Variants in IL17RC observed in about 807,000 individuals in gnomAD.
IL17RC encodes interleukin 17 receptor C.
IL17RC carries 53 observed loss-of-function variants against 86.7 expected under a neutral mutation model. The ratio of observed to expected loss-of-function variants is 0.61; its 90% CI spans 0.49 to 0.77. IL17RC has a LOEUF of 0.77. Ranked by LOEUF, IL17RC falls within the 30% of genes least tolerant of loss-of-function variation. The pLI is 0.00. For synonymous variants in IL17RC, 439 were observed against 413.1 expected (o/e 1.06, Z -0.76); for missense variants, 957 against 940.0 (o/e 1.02, Z -0.24).
Position 9,933,230 on chromosome 3 carries a change from CG to C in IL17RC, c.1804del (p.Ala602ArgfsTer121). The part of the protein sequence containing the change: ...EWLQDGVSGP[G>X]AHGPHDAFRA... ...GGCTACAGGATGGGGTGTCCGGGCC[CG>C]GGGCGCACGGCCCGCACGACGCCTT... On this transcript the variant is annotated frameshift_variant, in exon 19 of 19. Coordinates refer to ENST00000403601, the MANE Select transcript of IL17RC (RefSeq NM_153460.4). LOFTEE classifies it low-confidence loss of function (END_TRUNC). 6.2e-7 allele frequency: 1 copy of C among 1,606,242 alleles called. No homozygotes were observed. Among genetic ancestry groups the C allele is most frequent in the Non-Finnish European group, 8.5e-7 (1 of 1,176,916 alleles).
At position 9,928,629 on chromosome 3, in the gene IL17RC, A is replaced by G; in HGVS notation, c.1109A>G (p.Gln370Arg). The change falls in exon 12 of 19, where the codon CAG becomes CGG. Residue 370 changes from glutamine (Q) to arginine (R), a missense_variant and splice_region_variant. Gln to Arg is a conservative substitution (Grantham distance 43). Coordinates refer to ENST00000403601, the MANE Select transcript of IL17RC (RefSeq NM_153460.4). ...AAAGGCCACCCTAACCTCTGTGTTC[A>G]GGTCAGAAAGGGGTGCATAGTGCTG... ...LLKGHPNLCV[Q>R]VNSSEKLQLQ... 6.2e-7 allele frequency: 1 copy of G among 1,613,670 alleles called. No individual in the cohort carries two copies. Among genetic ancestry groups the G allele is most frequent in the Non-Finnish European group, 8.5e-7 (1 of 1,179,976 alleles).
chr3:9,931,452 T>TACACACACACACACACACACACACACAC (rs1559320584), intron 16 of IL17RC, among the ~76,000 whole-genome samples: 3 of 11,138 alleles, frequency 2.7e-4, no homozygotes, highest in Admixed American at 1.4e-3. Flanking sequence ...TTTTATATAT[T>TACACACACACACACACACACACACACAC]TCACACACAC....
chr3:9,926,583 G>A (rs1026091131), intron 9 of IL17RC, among the ~76,000 whole-genome samples: 4 of 151,654 alleles, frequency 2.6e-5, no homozygotes, highest in Admixed American at 6.6e-5. Flanking sequence ...TGCACATAGC[G>A]CCTACTTGTT....
At chr3:9,931,408 CTTATG>C (rs1275488605) in intron 16 of IL17RC, among the ~76,000 whole-genome samples, 4 of 148,854 alleles carry the variant, frequency 2.7e-5, no homozygotes, top group Admixed American at 1.3e-4. Flanking sequence ...GGATTTGGAT[CTTATG>C]TTGAGAGCAG....
intron 9 of IL17RC, among the ~76,000 whole-genome samples, chr3:9,926,660 A>G (rs946572698): frequency 8.0e-5 from 12 of 150,220 alleles, no homozygotes; most frequent in Non-Finnish European, 1.5e-4. Flanking sequence ...GTCTCGCTCT[A>G]TTGGCAGGCT....
intron 12 of IL17RC, 38 bp downstream of exon 12, chr3:9,928,668 A>C: frequency 6.2e-7 from 1 of 1,602,652 alleles, no homozygotes; most frequent in Non-Finnish European, 8.5e-7. Flanking sequence ...TGGAGGCTGG[A>C]CCTGGGCAGA....
Position 9,930,250 on chromosome 3 carries a change from T to C in IL17RC, c.1278+101T>C, listed in dbSNP as rs1200357328. The C allele has an allele frequency of 1.3e-6, 2 of 1,558,158 alleles. No individual in the cohort carries two copies. The highest frequency in any genetic ancestry group is 2.7e-5 in the African/African-American group (2 of 73,846). On this transcript the variant is annotated intron_variant, in intron 14 of 18. Coordinates refer to ENST00000403601, the MANE Select transcript of IL17RC (RefSeq NM_153460.4). This position sits in a 1 kb window ranked among gnomAD's most constrained non-coding sequence, Gnocchi z 5.8. Reference sequence around the variant, plus strand: ...CACCCTGTGCCGGTCTCTGGGAACATGGGGGGTGACTCAGACCAGGGCCAT... The same window carrying C: ...CACCCTGTGCCGGTCTCTGGGAACACGGGGGGTGACTCAGACCAGGGCCAT...
At position 9,928,228 on chromosome 3, in the gene IL17RC, G is replaced by T. The variant is rs780481725; in HGVS notation, c.877+8G>T. 1.3e-6 allele frequency: 2 copies of T among 1,598,626 alleles called. No homozygotes were observed. The highest frequency in any genetic ancestry group is 1.7e-6 in the Non-Finnish European group (2 of 1,177,582). On this transcript the variant is annotated splice_region_variant and intron_variant, in intron 10 of 18. Coordinates refer to ENST00000403601, the MANE Select transcript of IL17RC (RefSeq NM_153460.4). ...TCTGCCCCTTCAGGGAGGGTGAGCC[G>T]ACCGGCCTGGGGCTGGGGTTGGGGT... is the stretch of plus-strand genomic sequence containing the variant.
rs778955786 is a variant in IL17RC, at chr3:9,917,621, G to A, written c.106-92G>A. The A allele has an allele frequency of 2.5e-6, 4 of 1,614,040 alleles. No individual in the cohort carries two copies. Among genetic ancestry groups the A allele is most frequent in the Non-Finnish European group, 3.4e-6 (4 of 1,179,990 alleles). ...CTCTGGGAGGGTCTGGGAATACGGA[G>A]CCCCAGAAAAAGGTAGGTGGAGGTC... On this transcript the variant is annotated intron_variant, in intron 1 of 18. Coordinates refer to ENST00000403601, the MANE Select transcript of IL17RC (RefSeq NM_153460.4).
chr3:9,928,280 C>A (rs756935647), intron 10 of IL17RC, 25 bp from the exon 11 acceptor site: 20 of 1,612,420 alleles, frequency 1.2e-5, no homozygotes, highest in Non-Finnish European at 1.6e-5. Context: ...ACCTGGCCTG[C>A]GGTGACTGTG....
In IL17RC at chr3:9,930,488, C is replaced by T. The variant is rs1260243248; in HGVS notation, c.1338+29C>T. On this transcript the variant is annotated intron_variant, in intron 15 of 18. Coordinates refer to ENST00000403601, the MANE Select transcript of IL17RC (RefSeq NM_153460.4). This position sits in a 1 kb window ranked among gnomAD's most constrained non-coding sequence, Gnocchi z 5.8. ...AGCTGGTGGAAGAAGGGCCCCACCT[C>T]AATGCCTAGGGGCAACAGGCCTAAA... 2 of 1,609,442 alleles carry T rather than the reference C, an allele frequency of 1.2e-6. No homozygotes were observed. Among genetic ancestry groups the T allele is most frequent in the Admixed American group, 1.7e-5 (1 of 59,862 alleles).
At chr3:9,928,679 C>G (rs1045180964) in intron 12 of IL17RC, 49 bp downstream of exon 12, 10 of 1,583,336 alleles carry the variant, frequency 6.3e-6, no homozygotes, top group African/African-American at 1.4e-5. Flanking sequence ...CCTGGGCAGA[C>G]CCCCCAGCCA....
chr3:9,918,369 T>G lies in IL17RC; in HGVS notation c.315T>G (p.Phe105Leu), dbSNP rs767663980. 1 of 1,605,454 alleles carries G rather than the reference T, an allele frequency of 6.2e-7. No homozygotes were observed. Among genetic ancestry groups the G allele is most frequent in the African/African-American group, 1.3e-5 (1 of 74,700 alleles). Reference protein sequence around the residue: ...HWEEPEDEEKFGGAADSGVEE... With the variant: ...HWEEPEDEEKLGGAADSGVEE... ...AAGAGCCTGAAGATGAGGAAAAGTT[T>G]GGAGGAGCAGCTGACTCAGGGGTGG... The change falls in exon 4 of 19, where the codon TTT (phenylalanine) becomes TTG (leucine). Residue 105 changes from phenylalanine to leucine, a missense_variant. Transcript: ENST00000403601.
At position 9,930,189 on chromosome 3, in the gene IL17RC, T is replaced by G; in HGVS notation, c.1278+40T>G. 1 of 1,610,122 alleles carries G rather than the reference T, an allele frequency of 6.2e-7. No homozygotes were observed. Among genetic ancestry groups the G allele is most frequent in the Non-Finnish European group, 8.5e-7 (1 of 1,177,300 alleles). ...ACCCTCCTCCACAGATCTCTCCAAATGCATCTCACATCTGGCCTCAAATTT... is the reference window on the plus strand; with the variant it reads ...ACCCTCCTCCACAGATCTCTCCAAAGGCATCTCACATCTGGCCTCAAATTT... On this transcript the variant is annotated intron_variant, in intron 14 of 18. Transcript: ENST00000403601. The surrounding 1 kb of genome is among the most constrained non-coding windows in gnomAD (Gnocchi z 5.8).
chr3:9,930,984 G>A lies in IL17RC; in HGVS notation c.1387+41G>A. 6.4e-7 allele frequency: 1 copy of A among 1,561,934 alleles called. No homozygotes were observed. Among genetic ancestry groups the A allele is most frequent in the Non-Finnish European group, 8.8e-7 (1 of 1,132,356 alleles). ...ACTGCCTTTCCTTTCTGTACCAGGA[G>A]TGGGGATCTTGACAGGGACCACTCT... On this transcript the variant is annotated intron_variant, in intron 16 of 18. Transcript: ENST00000403601. The surrounding 1 kb of genome is among the most constrained non-coding windows in gnomAD (Gnocchi z 5.8).
chr3:9,924,004 G>A lies in IL17RC; in HGVS notation c.746G>A (p.Arg249Gln), dbSNP rs373618087. 12 of 1,613,698 alleles carry A rather than the reference G, an allele frequency of 7.4e-6. No individual in the cohort carries two copies. The Admixed American group carries it at 8.3e-5, about 11-fold the overall frequency. The change falls in exon 8 of 19, where the codon CGG (arginine) becomes CAG (glutamine). Residue 249 changes from arginine to glutamine, a missense_variant. Coordinates refer to ENST00000403601, the MANE Select transcript of IL17RC (RefSeq NM_153460.4). ...WNQVQGPPKP[R>Q]WHKNLTGPQI... ...CAGGTCCAGGGCCCCCCAAAACCCC[G>A]GTGGCACAAAAACCTGGTGAGGCCT...
At chr3:9,919,779 A>G (rs1403532466) in intron 5 of IL17RC, among the ~76,000 whole-genome samples, 1 of 152,076 alleles carries the variant, frequency 6.6e-6, no homozygotes, top group Non-Finnish European at 1.5e-5. Flanking sequence ...CCTCAAAACT[A>G]CCTGATGAGG....
intron 1 of IL17RC, 83 bp from the exon 2 acceptor site, chr3:9,917,630 A>C (rs775994750): frequency 6.2e-7 from 1 of 1,614,042 alleles, no homozygotes; most frequent in Non-Finnish European, 8.5e-7. Context: ...AGCCCCAGAA[A>C]AAGGTAGGTG....
At position 9,921,903 on chromosome 3, in the gene IL17RC, G is replaced by T. The variant is rs144418193; in HGVS notation, c.622+934G>T. Among the ~76,000 whole-genome samples the T allele has an allele frequency of 3.6e-3, 540 of 149,416 alleles. 2 individuals carry two copies. Among genetic ancestry groups the T allele is most frequent in the African/African-American group, 0.013 (518 of 40,490 alleles). ...GCCTCCCAAAGTGCTGGGATTACAGGCGTGAGCCACCACGCCCAGCCAAAG... is the reference window on the plus strand; with the variant it reads ...GCCTCCCAAAGTGCTGGGATTACAGTCGTGAGCCACCACGCCCAGCCAAAG... On this transcript the variant is annotated intron_variant, in intron 7 of 18. Coordinates refer to ENST00000403601, the MANE Select transcript of IL17RC (RefSeq NM_153460.4).
Sources: allele counts gnomAD v4.1 joint callset (sites outside exome capture counted in the v4.1 genomes callset), GRCh38; gene constraint gnomAD v4.1.1; non-coding constraint Gnocchi (gnomAD v3.1); transcripts MANE v1.5; gene names NCBI Gene and HGNC (gene_info 2026-07-23, HGNC 2026-07-21).